CALD1: variants seen among roughly 807,000 people sequenced by gnomAD.
CALD1 encodes the protein caldesmon 1, also known as caldesmon.
CALD1 carries 33 observed loss-of-function variants against 99.9 expected under a neutral mutation model. The observed-to-expected ratio is 0.33, with a 90% CI of 0.25 to 0.44. The LOEUF is 0.44. CALD1 is among the 20% of genes least tolerant of loss of function. The pLI is 1.00. For synonymous variants in CALD1, 310 were observed against 325.0 expected (o/e 0.95, Z 0.50); for missense variants, 861 against 962.1 (o/e 0.89, Z 1.39).
chr7:134,755,276 C>T (rs939457785), intron 1 of CALD1, among the ~76,000 whole-genome samples: 2 of 152,238 alleles, frequency 1.3e-5, no homozygotes, highest in South Asian at 2.1e-4. Flanking sequence ...GCTGGGATTA[C>T]GGGCGTGAGC....
At chr7:134,814,367 G>C (rs1035961430) in intron 1 of CALD1, among the ~76,000 whole-genome samples, 5 of 152,206 alleles carry the variant, frequency 3.3e-5, no homozygotes, top group Non-Finnish European at 5.9e-5. Flanking sequence ...GAGATGCATA[G>C]AGCCAGTTGG....
At chr7:134,913,035 C>T (rs1475631836) in intron 3 of CALD1, among the ~76,000 whole-genome samples, 9 of 152,056 alleles carry the variant, frequency 5.9e-5, no homozygotes, top group Admixed American at 4.6e-4. Flanking sequence ...GAGGCTGAGG[C>T]GGGTGGATCA....
intron 3 of CALD1, among the ~76,000 whole-genome samples, chr7:134,914,394 G>C (rs563623309): frequency 6.6e-6 from 1 of 152,254 alleles, no homozygotes; most frequent in South Asian, 2.1e-4. Flanking sequence ...TGGGGTAGCT[G>C]GCCCTAATTT....
At chr7:134,725,116 A>C in the CALD1 span, among the ~76,000 whole-genome samples, 111,070 of 152,102 alleles carry the variant, frequency 0.73, 42,011 homozygotes, top group East Asian at 0.99. Context: ...GCCAGAAAGA[A>C]CTGTAATCTC....
At chr7:134,928,412 G>C (rs1805214241) in intron 3 of CALD1, among the ~76,000 whole-genome samples, 1 of 111,432 alleles carries the variant, frequency 9.0e-6, no homozygotes, top group South Asian at 3.1e-4. Flanking sequence ...CCGGGTGACA[G>C]TGCAAGACTG....
chr7:134,891,613 CTGCGGACA>C, intron 3 of CALD1: 4 of 1,608,186 alleles, frequency 2.5e-6, no homozygotes, highest in Non-Finnish European at 2.5e-6. Context: ...CCCTTCCCAA[CTGCGGACA>C]TGCTGGGTGG....
chr7:134,934,973 T>C (rs897681050), intron 5 of CALD1, among the ~76,000 whole-genome samples: 2 of 151,988 alleles, frequency 1.3e-5, no homozygotes, highest in Admixed American at 6.6e-5. Context: ...TTGGAAACTT[T>C]CCTTAAAAAA....
rs573607784 is a variant in CALD1 at position 134,844,001 on chromosome 7, T to C, written c.-42+30T>C. 4 of 152,320 alleles carry C rather than the reference T, an allele frequency of 2.6e-5. No homozygotes were observed. The South Asian group carries it at 8.3e-4, about 32-fold the overall frequency. The allele number at this position is 152,320 out of a possible 1,614,324, so 9.4% of individuals were successfully genotyped here. Reference sequence around the variant, plus strand: ...GTAAAGTTTATGTTTTATTAATACTTTGGGCTCTGCTCTTAGGAATTACAC... The same window carrying C: ...GTAAAGTTTATGTTTTATTAATACTCTGGGCTCTGCTCTTAGGAATTACAC... On this transcript the variant is annotated intron_variant, in intron 2 of 14. Transcript: ENST00000361675.
intron 3 of CALD1, among the ~76,000 whole-genome samples, chr7:134,908,939 T>A (rs1027706511): frequency 2.0e-5 from 3 of 152,172 alleles, no homozygotes; most frequent in African/African-American, 7.2e-5. Context: ...TCTAGACACA[T>A]GGGTATTGTT....
At chr7:134,785,483 G>C (rs1415180212) in intron 1 of CALD1, among the ~76,000 whole-genome samples, 1 of 152,122 alleles carries the variant, frequency 6.6e-6, no homozygotes, top group Non-Finnish European at 1.5e-5. Context: ...TACATAATAA[G>C]GTGAATGCAT....
At chr7:134,876,834 T>C (rs1295309497) in intron 3 of CALD1, among the ~76,000 whole-genome samples, 2 of 152,230 alleles carry the variant, frequency 1.3e-5, no homozygotes, top group Non-Finnish European at 2.9e-5. Context: ...ACTGATTTGA[T>C]TCCTAACAGA....
chr7:134,891,745 TAA>T (rs10607357), intron 3 of CALD1: 109,907 of 422,298 alleles, frequency 0.26, 2,933 homozygotes, highest in East Asian at 0.32. Context: ...CGAATTGTTG[TAA>T]AAAAAAAAAA....
At chr7:134,722,092 G>C in the CALD1 span, among the ~76,000 whole-genome samples, 1 of 152,140 alleles carries the variant, frequency 6.6e-6, no homozygotes, top group Non-Finnish European at 1.5e-5. Flanking sequence ...AGAATGGCTG[G>C]ATCCTAACAC....
At chr7:134,886,961 T>A (rs779531138) in intron 3 of CALD1, among the ~76,000 whole-genome samples, 16 of 152,238 alleles carry the variant, frequency 1.1e-4, no homozygotes, top group Non-Finnish European at 1.8e-4. Context: ...CCAATAGTGC[T>A]ACGCGAAGCA....
chr7:134,723,906 T>C, the CALD1 span, among the ~76,000 whole-genome samples: 10 of 152,194 alleles, frequency 6.6e-5, no homozygotes, highest in Admixed American at 5.9e-4. Flanking sequence ...TTATTGAGTC[T>C]GAGAAAAGCC....
the CALD1 span, among the ~76,000 whole-genome samples, chr7:134,715,010 C>T: frequency 5.3e-5 from 8 of 152,316 alleles, no homozygotes; most frequent in South Asian, 2.1e-4. Context: ...GGAGCAGCTG[C>T]GTTTTCCTTA....
intron 3 of CALD1, among the ~76,000 whole-genome samples, chr7:134,869,992 A>C (rs1800990917): frequency 6.6e-6 from 1 of 152,170 alleles, no homozygotes; most frequent in Admixed American, 6.5e-5. Context: ...GGGCTCAGTG[A>C]ACCACACCTC....
chr7:134,838,974 A>G (rs185010908), intron 1 of CALD1, among the ~76,000 whole-genome samples: 1 of 152,328 alleles, frequency 6.6e-6, no homozygotes, highest in East Asian at 1.9e-4. Context: ...ATAATTGTAC[A>G]GAGTGATGGA....
At chr7:134,733,891 G>A in the CALD1 span, among the ~76,000 whole-genome samples, 1 of 150,742 alleles carries the variant, frequency 6.6e-6, no homozygotes, top group East Asian at 1.9e-4. Context: ...TTGTTATATA[G>A]AAGTCACTAT....
Sources: gnomAD v4.1 joint callset for allele counts (sites outside exome capture counted in the v4.1 genomes callset) on GRCh38, gnomAD v4.1.1 for gene constraint, MANE v1.5 for transcripts, NCBI Gene and HGNC (gene_info 2026-07-23, HGNC 2026-07-21) for gene names.